ANK2: variants seen among roughly 807,000 people sequenced by gnomAD.
ANK2 encodes ankyrin-2.
A neutral mutation model predicts 360.5 loss-of-function variants in ANK2; 83 were observed. The ratio of observed to expected loss-of-function variants is 0.23; its 90% CI spans 0.19 to 0.28. The LOEUF (loss-of-function observed/expected upper bound fraction) is 0.28. Among genes scored for constraint, ANK2 ranks in the 10% least tolerant of loss-of-function variants. ANK2 has a pLI of 1.00. For missense variants in ANK2, 4,201 were observed against 4,795.7 expected (o/e 0.88, Z 3.66); for synonymous variants, 1,740 against 1,759.5 (o/e 0.99, Z 0.28).
At chr4:113,006,126 A>G (rs1342970059) in intron 2 of ANK2, among the ~76,000 whole-genome samples, 1 of 152,210 alleles carries the variant, frequency 6.6e-6, no homozygotes, top group Non-Finnish European at 1.5e-5. Flanking sequence ...ATTCTTCACA[A>G]CAATATTCTG....
At chr4:113,368,556 A>T (rs577400988) in intron 42 of ANK2, among the ~76,000 whole-genome samples, 1 of 152,292 alleles carries the variant, frequency 6.6e-6, no homozygotes, top group East Asian at 1.9e-4. Context: ...AGCCAAGGAG[A>T]AAGAGTTGTT....
At chr4:112,959,341 C>T (rs1049226335) in intron 2 of ANK2, among the ~76,000 whole-genome samples, 1 of 151,874 alleles carries the variant, frequency 6.6e-6, no homozygotes, top group African/African-American at 2.4e-5. Flanking sequence ...AAAACAAGAA[C>T]AAAAACAAAA....
chr4:113,283,831 C>T (rs1312626181), intron 18 of ANK2, among the ~76,000 whole-genome samples: 3 of 152,188 alleles, frequency 2.0e-5, no homozygotes, highest in African/African-American at 7.2e-5. Context: ...CATAAATATA[C>T]AAATACTCTA....
At chr4:112,898,512 T>C (rs2082363188) in intron 1 of ANK2, among the ~76,000 whole-genome samples, 1 of 152,212 alleles carries the variant, frequency 6.6e-6, no homozygotes, top group Non-Finnish European at 1.5e-5. Context: ...CATCACGTTA[T>C]ATCAAGAGTA....
the ANK2 span, among the ~76,000 whole-genome samples, chr4:112,733,956 G>A: frequency 4.6e-5 from 7 of 152,124 alleles, no homozygotes; most frequent in Non-Finnish European, 8.8e-5. Flanking sequence ...TGTATTTTTA[G>A]TAGAGACGGG....
intron 2 of ANK2, among the ~76,000 whole-genome samples, chr4:112,957,552 G>A (rs2030032077): frequency 6.6e-6 from 1 of 151,952 alleles, no homozygotes; most frequent in South Asian, 2.1e-4. Flanking sequence ...ACGGGGTGGT[G>A]GCCGGGCAGA....
intron 1 of ANK2, among the ~76,000 whole-genome samples, chr4:113,082,329 G>T (rs111228306): frequency 6.6e-6 from 1 of 151,922 alleles, no homozygotes; most frequent in African/African-American, 2.4e-5. Flanking sequence ...GTGGAGAGTG[G>T]GGTCTCACTA....
chr4:112,872,924 A>G (rs1365950873), intron 1 of ANK2, among the ~76,000 whole-genome samples: 1 of 151,468 alleles, frequency 6.6e-6, no homozygotes, highest in African/African-American at 2.4e-5. Flanking sequence ...CAGATTTTCT[A>G]TTTCTTCTTT....
the ANK2 span, among the ~76,000 whole-genome samples, chr4:112,716,315 C>T: frequency 4.0e-5 from 6 of 151,872 alleles, no homozygotes; most frequent in African/African-American, 1.2e-4. Flanking sequence ...AGGCTGGTCT[C>T]GAACTTCTAT....
the ANK2 span, among the ~76,000 whole-genome samples, chr4:112,749,986 C>T: frequency 0.59 from 89,560 of 151,998 alleles, 27,120 homozygotes; most frequent in East Asian, 0.92. Context: ...CCCCGTGATC[C>T]GCCCTCCTTG....
At chr4:113,024,721 CA>C (rs2058888144) in intron 2 of ANK2, among the ~76,000 whole-genome samples, 1 of 152,038 alleles carries the variant, frequency 6.6e-6, no homozygotes, top group African/African-American at 2.4e-5. Flanking sequence ...TTACAAAGAG[CA>C]TACAATGAAT....
intron 1 of ANK2, chr4:113,151,110 G>T: frequency 7.8e-7 from 1 of 1,288,710 alleles, no homozygotes; most frequent in Non-Finnish European, 1.0e-6. Flanking sequence ...ACCAGAGGCC[G>T]CCAACATTGA....
Position 112,826,944 on chromosome 4 carries a change from G to C in ANK2, c.-40+8680G>C. ...TGTCTTAGCAACAAACTCTGAATTGGTTGGCACACTCATTCAGTCATGTAA... is the reference window on the plus strand; with the variant it reads ...TGTCTTAGCAACAAACTCTGAATTGCTTGGCACACTCATTCAGTCATGTAA... On this transcript the variant is annotated intron_variant, in intron 1 of 30. Coordinates refer to the ANK2 transcript ENST00000503271. The C allele has an allele frequency of 3.9e-6, 6 of 1,540,808 alleles. No homozygotes were observed. In the South Asian group the frequency reaches 6.7e-5, roughly 17 times the overall value.
At chr4:112,829,991 C>A (rs964965875) in intron 1 of ANK2, among the ~76,000 whole-genome samples, 9 of 151,760 alleles carry the variant, frequency 5.9e-5, no homozygotes, top group East Asian at 3.9e-4. Flanking sequence ...AAAAAAAAGT[C>A]AAAAAATAAC....
the ANK2 span, among the ~76,000 whole-genome samples, chr4:112,718,589 T>C: frequency 4.6e-5 from 7 of 151,728 alleles, no homozygotes; most frequent in East Asian, 1.4e-3. Context: ...GCTGGCATTA[T>C]AGGCGTGAGC....
chr4:113,091,753 G>C (rs546613557), intron 1 of ANK2, among the ~76,000 whole-genome samples: 1 of 152,328 alleles, frequency 6.6e-6, no homozygotes, highest in South Asian at 2.1e-4. Context: ...TTGTTTCTAG[G>C]AATTTGTTTA....
chr4:113,354,929 G>A lies in ANK2; in HGVS notation c.6311G>A (p.Ser2104Asn), dbSNP rs1385370227. The A allele has an allele frequency of 6.8e-6, 11 of 1,613,930 alleles. No individual in the cohort carries two copies. Among genetic ancestry groups the A allele is most frequent in the Non-Finnish European group, 9.3e-6 (11 of 1,179,990 alleles). The change falls in exon 38 of 46, where the codon AGC (serine) becomes AAC (asparagine). Residue 2104 changes from serine (S) to asparagine (N), a missense_variant. Ser to Asn is a conservative substitution (Grantham distance 46). Around this residue, in one of 4 missense-constraint regions of ANK2, gnomAD observed 2,642 missense variants for 2,714.5 expected, o/e 0.97. Coordinates refer to ENST00000357077, the MANE Select transcript of ANK2 (RefSeq NM_001148.6). ...EPVQSVPEEE[S>N]HRESEVPKEK... ...GTTCAGTCAGTGCCTGAAGAAGAAA[G>A]CCACAGAGAGAGCGAAGTGCCCAAA...
At chr4:113,010,824 T>C (rs1367084138) in intron 2 of ANK2, among the ~76,000 whole-genome samples, 2 of 152,148 alleles carry the variant, frequency 1.3e-5, no homozygotes, top group Non-Finnish European at 2.9e-5. Context: ...ATAAAACTCT[T>C]GTGGTAATAG....
chr4:112,787,865 CAT>C, the ANK2 span, among the ~76,000 whole-genome samples: 1 of 152,160 alleles, frequency 6.6e-6, no homozygotes, highest in Non-Finnish European at 1.5e-5. Flanking sequence ...TGAATTTACA[CAT>C]GTTCTGAACT....
Sources: gnomAD v4.1 joint callset for allele counts (sites outside exome capture counted in the v4.1 genomes callset) on GRCh38, gnomAD v4.1.1 for gene constraint, gnomAD v4.1.1 regional missense constraint, MANE v1.5 for transcripts, NCBI Gene and HGNC (gene_info 2026-07-23, HGNC 2026-07-21) for gene names.